Variants in FER1L6 observed in about 807,000 individuals in gnomAD.
FER1L6 encodes the protein fer-1-like protein 6.
FER1L6 carries 177 observed loss-of-function variants against 219.2 expected under a neutral mutation model. The observed-to-expected ratio is 0.81, with a 90% CI of 0.71 to 0.91. FER1L6 has a LOEUF of 0.91. Ranked by LOEUF, FER1L6 falls within the 40% of genes least tolerant of loss-of-function variation. The probability of loss-of-function intolerance (pLI) is 0.00; values close to 1 mark genes in which losing one functional copy is unlikely to be tolerated. For missense variants in FER1L6, 2,153 were observed against 2,259.9 expected (o/e 0.95, Z 0.96); for synonymous variants, 768 against 824.3 (o/e 0.93, Z 1.17).
chr8:124,097,157 C>A, intron 35 of FER1L6, 114 bp from the exon 36 acceptor site: 1 of 637,856 alleles, frequency 1.6e-6, no homozygotes, highest in African/African-American at 1.9e-5. Flanking sequence ...AACTACCAAG[C>A]TACACTTAAC....
chr8:124,036,160 T>A lies in FER1L6; in HGVS notation c.2464+706T>A, dbSNP rs1250435045. 3 of 152,186 alleles carry A rather than the reference T, an allele frequency of 2.0e-5. No homozygotes were observed. In the East Asian group the frequency reaches 5.8e-4, roughly 29 times the overall value. The allele number at this position is 152,186 out of a possible 1,614,324, so 9.4% of individuals were successfully genotyped here. A position where few individuals can be genotyped will look rare whatever the true frequency, so the allele number is the denominator to read the frequency against. On this transcript the variant is annotated intron_variant, in intron 19 of 40. Coordinates refer to ENST00000522917, the MANE Select transcript of FER1L6 (RefSeq NM_001039112.2). The stretch of plus-strand genomic sequence containing the variant: ...AGTTTTACCTTCATTTCTGCTGAAG[T>A]TGAGTTTTGGGTTGAGCCAATGTTG...
chr8:123,899,798 T>A (rs779868408), intron 1 of FER1L6, among the ~76,000 whole-genome samples: 3 of 152,132 alleles, frequency 2.0e-5, no homozygotes, highest in Non-Finnish European at 4.4e-5. Flanking sequence ...CAAAGATCAG[T>A]TGGCTGCAAG....
At chr8:123,872,530 CA>C (rs1816942363) in intron 1 of FER1L6, among the ~76,000 whole-genome samples, 1 of 152,024 alleles carries the variant, frequency 6.6e-6, no homozygotes, top group African/African-American at 2.4e-5. Context: ...AAAACTAAGA[CA>C]AACTGAATAA....
At chr8:123,854,246 A>G (rs7007903) in intron 1 of FER1L6, among the ~76,000 whole-genome samples, 6,037 of 152,246 alleles carry the variant, frequency 0.04, 370 homozygotes, top group African/African-American at 0.14. Context: ...CACTGAGAGG[A>G]TGAGAAAAAA....
At position 124,062,039 on chromosome 8, in the gene FER1L6, A is replaced by G. The variant is rs1278030257; in HGVS notation, c.3328+7A>G. 1 of 1,613,908 alleles carries G rather than the reference A, an allele frequency of 6.2e-7. No homozygotes were observed. Among genetic ancestry groups the G allele is most frequent in the African/African-American group, 1.3e-5 (1 of 75,062 alleles). ...GGAACCCAGCCTGGGCACGGTGAGA[A>G]GCTGCTCTTAGATTTTGTAGCTGTA... On this transcript the variant is annotated splice_region_variant and intron_variant, in intron 25 of 40. Transcript: ENST00000522917.
At chr8:124,061,777 G>A in intron 24 of FER1L6, 75 bp from the exon 25 acceptor site, 2 of 1,437,304 alleles carry the variant, frequency 1.4e-6, no homozygotes, top group Non-Finnish European at 9.7e-7. Flanking sequence ...AAGGGAGACT[G>A]GATGCCCAGC....
chr8:123,856,349 T>TATATATATA (rs71289618), intron 1 of FER1L6, among the ~76,000 whole-genome samples: 120 of 134,460 alleles, frequency 8.9e-4, no homozygotes, highest in Non-Finnish European at 1.1e-3. Context: ...TATATATATA[T>TATATATATA]TAGGGTCCAG....
chr8:124,034,292 G>A (rs1175534412), intron 18 of FER1L6, among the ~76,000 whole-genome samples: 1 of 152,216 alleles, frequency 6.6e-6, no homozygotes, highest in Non-Finnish European at 1.5e-5. Flanking sequence ...TGATGGCCTT[G>A]CTGGCAACAG....
At chr8:123,912,314 TAAG>T (rs1336073792) in intron 1 of FER1L6, among the ~76,000 whole-genome samples, 3 of 152,090 alleles carry the variant, frequency 2.0e-5, no homozygotes, top group Non-Finnish European at 4.4e-5. Flanking sequence ...CTAAGTATTG[TAAG>T]AAGATCATAG....
At chr8:124,013,578 C>A in intron 15 of FER1L6, 47 bp downstream of exon 15, 2 of 1,358,510 alleles carry the variant, frequency 1.5e-6, no homozygotes, top group South Asian at 1.4e-5. Flanking sequence ...CTTCTGTGGT[C>A]TCAGCTTTTA....
chr8:123,934,145 C>T (rs1813892632), intron 1 of FER1L6, among the ~76,000 whole-genome samples: 1 of 152,240 alleles, frequency 6.6e-6, no homozygotes, highest in African/African-American at 2.4e-5. Context: ...AAGTCTCACT[C>T]TGTCACCCAG....
rs562006042 is a variant in FER1L6 at position 123,866,667 on chromosome 8, C to T, written c.-8+14482C>T. Among the ~76,000 whole-genome samples, 24 of 152,268 alleles carry T rather than the reference C, an allele frequency of 1.6e-4. No homozygotes were observed. In the East Asian group the frequency reaches 3.5e-3, roughly 22 times the overall value. On this transcript the variant is annotated intron_variant, in intron 1 of 40. Coordinates refer to ENST00000522917, the MANE Select transcript of FER1L6 (RefSeq NM_001039112.2). ...TGCCAACACTGGTCATCATTAGGCT[C>T]GAGTGCAGTGGTGCTATCTAGCTCA... is the stretch of plus-strand genomic sequence containing the variant.
intron 1 of FER1L6, among the ~76,000 whole-genome samples, chr8:123,858,213 C>G (rs1271152064): frequency 6.6e-6 from 1 of 152,172 alleles, no homozygotes; most frequent in African/African-American, 2.4e-5. Context: ...AGGTGAGGGT[C>G]TCAAGGCCAG....
At position 123,983,061 on chromosome 8, in the gene FER1L6, A is replaced by C. The variant is rs539132476; in HGVS notation, c.1410+2250A>C. 5.3e-4 allele frequency among the ~76,000 whole-genome samples: 81 copies of C among 152,220 alleles called. 1 individual carries two copies. Among genetic ancestry groups the C allele is most frequent in the Non-Finnish European group, 1.1e-3 (74 of 68,038 alleles). ...AATTAGGTTTCATTTTTTGAGGGGA[A>C]GATTAGCAAAGAATTTGTGGATATA... On this transcript the variant is annotated intron_variant, in intron 11 of 40. Coordinates refer to ENST00000522917, the MANE Select transcript of FER1L6 (RefSeq NM_001039112.2).
intron 1 of FER1L6, among the ~76,000 whole-genome samples, chr8:123,914,105 T>A (rs534407691): frequency 2.6e-5 from 4 of 152,362 alleles, no homozygotes; most frequent in Admixed American, 1.3e-4. Context: ...CTTTAAAAAA[T>A]TTAATCAGTT....
intron 1 of FER1L6, among the ~76,000 whole-genome samples, chr8:123,941,186 CATAA>C (rs1411342123): frequency 6.6e-6 from 1 of 152,096 alleles, no homozygotes; most frequent in Non-Finnish European, 1.5e-5. Context: ...AAAAAAATCA[CATAA>C]ATAAAATTAC....
At chr8:124,023,322 A>G (rs1016604100) in intron 17 of FER1L6, 122 bp from the exon 18 acceptor site, 15 of 951,262 alleles carry the variant, frequency 1.6e-5, no homozygotes, top group Non-Finnish European at 2.4e-5. Context: ...GGTGTCAGTC[A>G]CAGCATTTGT....
chr8:124,081,987 CCTGT>C (rs1034830396), intron 32 of FER1L6, among the ~76,000 whole-genome samples: 39 of 152,148 alleles, frequency 2.6e-4, no homozygotes, highest in African/African-American at 8.0e-4. Flanking sequence ...AAAAATCAGT[CCTGT>C]CTGAAACCAA....
chr8:123,926,266 A>G (rs1813557974), intron 1 of FER1L6, among the ~76,000 whole-genome samples: 1 of 152,168 alleles, frequency 6.6e-6, no homozygotes. Context: ...TGTTCTTTGC[A>G]TGACGGCCTT....
Sources: allele counts gnomAD v4.1 joint callset (sites outside exome capture counted in the v4.1 genomes callset), GRCh38; gene constraint gnomAD v4.1.1; transcripts MANE v1.5; gene names NCBI Gene and HGNC (gene_info 2026-07-23, HGNC 2026-07-21).